The following DMD variants were observed in gnomAD, a reference collection of about 807,000 sequenced individuals.
The protein encoded by DMD is dystrophin, also known as mutant dystrophin.
In DMD, 63 loss-of-function variants were observed where a neutral mutation model predicts 330.1. The observed-to-expected ratio is 0.19, with a 90% CI of 0.16 to 0.24. The LOEUF is 0.24. Among genes scored for constraint, DMD ranks in the 10% least tolerant of loss-of-function variants. The pLI, the probability that DMD is intolerant of heterozygous loss-of-function variation, is 1.00. For missense variants in DMD, 3,344 were observed against 2,684.1 expected, an observed-to-expected ratio of 1.25 and a Z score of -5.43; for synonymous variants, 1,223 against 959.8, an observed-to-expected ratio of 1.27 and a Z score of -5.07.
intron 62 of DMD, among the ~76,000 whole-genome samples, chrX:31,314,738 T>A (rs1233073857): frequency 6.6e-5 from 1 of 15,120 alleles, no homozygotes; most frequent in East Asian, 2.1e-3. Flanking sequence ...AAAGAATACA[T>A]ACACAGAGAG....
intron 34 of DMD, among the ~76,000 whole-genome samples, chrX:32,378,014 T>G (rs956958319): frequency 9.0e-6 from 1 of 111,230 alleles, no homozygotes; most frequent in African/African-American, 3.3e-5. Flanking sequence ...ACATTCTTAT[T>G]GTTTATTATA....
chrX:31,700,609 T>C (rs16998210), intron 52 of DMD, among the ~76,000 whole-genome samples: 1,315 of 111,946 alleles, frequency 0.012, 14 homozygotes, highest in African/African-American at 0.035. Context: ...TTACCACTGG[T>C]TGGAGGATAA....
intron 1 of DMD, among the ~76,000 whole-genome samples, chrX:33,312,431 A>G (rs1270113243): frequency 9.0e-6 from 1 of 111,478 alleles, no homozygotes; most frequent in East Asian, 2.8e-4. Context: ...GAGCTGTACA[A>G]ATATATAACT....
intron 2 of DMD, among the ~76,000 whole-genome samples, chrX:32,916,966 T>C (rs995885676): frequency 1.8e-5 from 2 of 111,876 alleles, no homozygotes; most frequent in East Asian, 5.7e-4. Flanking sequence ...AGTATATACA[T>C]GATTAAAATA....
chrX:33,143,328 C>T (rs1042595342), intron 1 of DMD, among the ~76,000 whole-genome samples: 1 of 110,631 alleles, frequency 9.0e-6, no homozygotes, highest in African/African-American at 3.3e-5. Context: ...AGAAACTGTG[C>T]TTAATACTTT....
intron 62 of DMD, among the ~76,000 whole-genome samples, chrX:31,322,433 C>A (rs753618144): frequency 4.7e-4 from 53 of 111,651 alleles, no homozygotes; most frequent in Middle Eastern, 4.7e-3. Flanking sequence ...AAATTAAATT[C>A]ATAAAATATG....
intron 44 of DMD, among the ~76,000 whole-genome samples, chrX:32,123,812 G>A (rs920442186): frequency 2.7e-5 from 3 of 111,900 alleles, no homozygotes; most frequent in Non-Finnish European, 5.6e-5. Context: ...GTATTAGAAA[G>A]GAAATAGACT....
chrX:31,245,901 G>T (rs773128059), intron 63 of DMD, among the ~76,000 whole-genome samples: 38 of 110,954 alleles, frequency 3.4e-4, no homozygotes, highest in Non-Finnish European at 6.6e-4. Flanking sequence ...CCCTACAATG[G>T]CCTCTAAGTG....
At chrX:31,236,923 G>A (rs1290756699) in intron 63 of DMD, among the ~76,000 whole-genome samples, 3 of 111,733 alleles carry the variant, frequency 2.7e-5, no homozygotes, top group Non-Finnish European at 5.6e-5. Context: ...TTATCTAACA[G>A]TAAACATTTT....
chrX:31,130,171 G>A (rs771869743), intron 77 of DMD, among the ~76,000 whole-genome samples: 6 of 111,777 alleles, frequency 5.4e-5, no homozygotes, highest in Admixed American at 9.5e-5. Flanking sequence ...CTAGGAGAGC[G>A]TTTCTTTCAT....
chrX:33,286,466 G>T (rs923687532), intron 1 of DMD, among the ~76,000 whole-genome samples: 2 of 111,761 alleles, frequency 1.8e-5, no homozygotes, highest in African/African-American at 6.5e-5. Context: ...AATTATAAAA[G>T]AAAATGATTC....
chrX:32,638,204 T>A (rs1156407554), intron 11 of DMD, among the ~76,000 whole-genome samples: 1 of 112,232 alleles, frequency 8.9e-6, no homozygotes, highest in African/African-American at 3.2e-5. Context: ...GTCTGTTATA[T>A]ATTATTGCAC....
chrX:31,600,387 C>T (rs1019697197), intron 55 of DMD, among the ~76,000 whole-genome samples: 1 of 110,823 alleles, frequency 9.0e-6, no homozygotes, highest in African/African-American at 3.3e-5. Flanking sequence ...AGAGGTTATA[C>T]ATTCAAAGAA....
chrX:31,925,922 A>C lies in DMD; in HGVS notation c.6912+3674T>G, dbSNP rs1386737765. 4.5e-5 allele frequency among the ~76,000 whole-genome samples: 5 copies of C among 110,426 alleles called. No homozygotes were observed. In the East Asian group the frequency reaches 1.4e-3, roughly 31 times the overall value. ...GATTCCTAATAAATATATAAAAATA[A>C]ATTCCTATAATATACGTGTCAATTC... On this transcript the variant is annotated intron_variant, in intron 47 of 78. Coordinates refer to ENST00000357033, the MANE Select transcript of DMD (RefSeq NM_004006.3).
chrX:33,226,969 T>C (rs1299634058), intron 1 of DMD, among the ~76,000 whole-genome samples: 3 of 109,787 alleles, frequency 2.7e-5, no homozygotes, highest in Non-Finnish European at 3.8e-5. Context: ...GCACTTGCTT[T>C]TTTTTGTTAA....
At chrX:31,961,332 T>C (rs981920719) in intron 45 of DMD, among the ~76,000 whole-genome samples, 1 of 111,877 alleles carries the variant, frequency 8.9e-6, no homozygotes, top group South Asian at 3.7e-4. Context: ...TTAATCTATA[T>C]AATAATGTCA....
chrX:31,404,976 T>C (rs184813690), intron 60 of DMD, among the ~76,000 whole-genome samples: 16 of 111,727 alleles, frequency 1.4e-4, no homozygotes, highest in African/African-American at 4.5e-4. Flanking sequence ...CAGTTTTCAA[T>C]AGTAAGGAAA....
At chrX:32,959,605 G>A (rs181290493) in intron 2 of DMD, among the ~76,000 whole-genome samples, 112 of 111,145 alleles carry the variant, frequency 1.0e-3, no homozygotes, top group African/African-American at 3.6e-3. Context: ...ACATCACTGA[G>A]AATTAAAATC....
chrX:33,324,638 T>A (rs2054064231), intron 1 of DMD, among the ~76,000 whole-genome samples: 1 of 111,384 alleles, frequency 9.0e-6, no homozygotes, highest in Non-Finnish European at 1.9e-5. Context: ...TTACGTTGGG[T>A]TAAGCAGTGA....
Sources: gnomAD v4.1 joint callset for allele counts (sites outside exome capture counted in the v4.1 genomes callset) on GRCh38, gnomAD v4.1.1 for gene constraint, MANE v1.5 for transcripts, NCBI Gene and HGNC (gene_info 2026-07-23, HGNC 2026-07-21) for gene names.